ABI2: variants seen among roughly 807,000 people sequenced by gnomAD.
ABI2 encodes the protein abl interactor 2.
A neutral mutation model predicts 59.2 loss-of-function variants in ABI2; 25 were observed. That is an observed-to-expected ratio of 0.42 (90% CI 0.31 to 0.59). The LOEUF is 0.59. Among genes scored for constraint, ABI2 ranks in the 20% least tolerant of loss-of-function variants. The probability of loss-of-function intolerance (pLI) is 0.14; values close to 1 mark genes in which losing one functional copy is unlikely to be tolerated. For synonymous variants in ABI2, 213 were observed against 235.5 expected, an observed-to-expected ratio of 0.90 and a Z score of 0.87; for missense variants, 545 against 681.8, an observed-to-expected ratio of 0.80 and a Z score of 2.23.
chr2:203,368,694 G>T (rs1485903448), intron 2 of ABI2, among the ~76,000 whole-genome samples: 1 of 151,936 alleles, frequency 6.6e-6, no homozygotes, highest in East Asian at 1.9e-4. Context: ...TTTATTGCTT[G>T]TTATATTGTG....
rs1467849248 is a variant in ABI2 at position 203,428,203 on chromosome 2, C to T, written c.*851C>T. On this transcript the variant is annotated 3_prime_UTR_variant, in exon 12 of 12. Transcript: ENST00000261018. ...TGAAGAGACTTGAACTGTGGAAATGCTCTTAGCAGGCATCCCGAACCCCTG... is the reference window on the plus strand; with the variant it reads ...TGAAGAGACTTGAACTGTGGAAATGTTCTTAGCAGGCATCCCGAACCCCTG... The T allele has an allele frequency of 6.6e-6, 1 of 152,600 alleles. No homozygotes were observed. Among genetic ancestry groups the T allele is most frequent in the Non-Finnish European group, 1.5e-5 (1 of 68,046 alleles). The allele number at this position is 152,600 out of a possible 1,614,324, so 9.5% of individuals were successfully genotyped here. A position where few individuals can be genotyped will look rare whatever the true frequency, so the allele number is the denominator to read the frequency against.
intron 1 of ABI2, among the ~76,000 whole-genome samples, chr2:203,360,184 CAAAAAAAAAAA>C (rs58857922): frequency 1.4e-5 from 1 of 70,904 alleles, no homozygotes; most frequent in Admixed American, 1.8e-4. Flanking sequence ...GACTCCATCT[CAAAAAAAAAAA>C]AAAAAAAAAA....
intron 8 of ABI2, among the ~76,000 whole-genome samples, chr2:203,402,262 T>A (rs1026542971): frequency 6.6e-6 from 1 of 152,204 alleles, no homozygotes; most frequent in Non-Finnish European, 1.5e-5. Flanking sequence ...CTGAAACTCC[T>A]GACCTCAAGT....
At chr2:203,412,442 A>G (rs904477110) in intron 10 of ABI2, among the ~76,000 whole-genome samples, 1 of 152,166 alleles carries the variant, frequency 6.6e-6, no homozygotes, top group African/African-American at 2.4e-5. Flanking sequence ...TACTGGCCTA[A>G]GGGCTCAGTG....
rs2097263734 is a variant in ABI2, at chr2:203,402,468, ACTAG to A, written c.1034-105_1034-102del. 4 of 815,198 alleles carry A rather than the reference ACTAG, an allele frequency of 4.9e-6. No individual in the cohort carries two copies. The African/African-American group carries it at 7.1e-5, about 15-fold the overall frequency. 50.5% of individuals were successfully genotyped at this position (815,198 alleles called of 1,614,324 possible). On this transcript the variant is annotated intron_variant, in intron 8 of 11. Transcript: ENST00000261018. ...ATTGTATATTTCAGATACCAGTTAA[ACTAG>A]CTGTTATTTTTAATTCTTAAGATTT...
rs34081725 is a variant in ABI2 at position 203,431,696 on chromosome 2, TAAAA to T, written c.*4353_*4356del. On this transcript the variant is annotated 3_prime_UTR_variant, in exon 12 of 12. Transcript: ENST00000261018. ...TGTTTTGAGAATCTCATATAATTATTAAAAAAAAAAAACAATTAAAACGAAACGG... is the reference window on the plus strand; with the variant it reads ...TGTTTTGAGAATCTCATATAATTATTAAAAAAAACAATTAAAACGAAACGG... 1 of 142,736 alleles carries T rather than the reference TAAAA, an allele frequency of 7.0e-6. No individual in the cohort carries two copies. The highest frequency in any genetic ancestry group is 1.5e-5 in the Non-Finnish European group (1 of 64,608). The allele number at this position is 142,736 out of a possible 1,614,324, so 8.8% of individuals were successfully genotyped here. A position where few individuals can be genotyped will look rare whatever the true frequency, so the allele number is the denominator to read the frequency against.
chr2:203,356,329 C>A (rs2091947484), intron 1 of ABI2, among the ~76,000 whole-genome samples: 1 of 151,910 alleles, frequency 6.6e-6, no homozygotes, highest in Admixed American at 6.6e-5. Flanking sequence ...CAGGCCTGTG[C>A]CATCACACCA....
chr2:203,336,866 G>C (rs1333210368), intron 1 of ABI2, among the ~76,000 whole-genome samples: 4 of 152,128 alleles, frequency 2.6e-5, no homozygotes, highest in African/African-American at 4.8e-5. Context: ...TATACAAATT[G>C]CCAAACTCTT....
At chr2:203,359,280 A>C (rs1204143526) in intron 1 of ABI2, among the ~76,000 whole-genome samples, 1 of 151,996 alleles carries the variant, frequency 6.6e-6, no homozygotes, top group Non-Finnish European at 1.5e-5. Flanking sequence ...ATTTTCCTTC[A>C]TTTTCATATG....
intron 2 of ABI2, among the ~76,000 whole-genome samples, chr2:203,379,913 G>T (rs536168803): frequency 6.7e-4 from 102 of 152,212 alleles, no homozygotes; most frequent in African/African-American, 2.2e-3. Flanking sequence ...TAATTTTCAC[G>T]TGAAGGTTTT....
rs150870167 is a variant in ABI2 at position 203,392,314 on chromosome 2, C to CCAA, written c.578+1199_578+1201dup. On this transcript the variant is annotated intron_variant, in intron 5 of 11. Coordinates refer to ENST00000261018, the MANE Select transcript of ABI2 (RefSeq NM_001375670.1). The stretch of plus-strand genomic sequence containing the variant: ...ACCACCACCACCACCACCACCACCA[C>CCAA]CAACAACAACAACAACAACAACAAC... Among the ~76,000 whole-genome samples, 403 of 123,310 alleles carry CCAA rather than the reference C, an allele frequency of 3.3e-3. 4 individuals carry two copies. The highest frequency in any genetic ancestry group is 0.023 in the East Asian group (105 of 4,518). The allele number at this position is 123,310 out of a possible 152,430, so 80.9% of individuals were successfully genotyped here. A position where few individuals can be genotyped will look rare whatever the true frequency, so the allele number is the denominator to read the frequency against.
chr2:203,336,078 C>T (rs1181661379), intron 1 of ABI2, among the ~76,000 whole-genome samples: 1 of 152,162 alleles, frequency 6.6e-6, no homozygotes, highest in Non-Finnish European at 1.5e-5. Flanking sequence ...CTTCTTGGTA[C>T]TAGAAGTCCT....
intron 4 of ABI2, among the ~76,000 whole-genome samples, chr2:203,384,547 C>T (rs1348610677): frequency 6.6e-6 from 1 of 151,822 alleles, no homozygotes; most frequent in Non-Finnish European, 1.5e-5. Flanking sequence ...TGTGCTCAAG[C>T]CATCCTCTCA....
intron 1 of ABI2, among the ~76,000 whole-genome samples, chr2:203,333,477 A>C (rs1029398431): frequency 3.3e-5 from 5 of 152,046 alleles, no homozygotes; most frequent in South Asian, 2.1e-4. Context: ...CAAATGGGAG[A>C]ATCTTAGAAT....
At chr2:203,360,703 A>C (rs1220799180) in intron 1 of ABI2, among the ~76,000 whole-genome samples, 1 of 152,218 alleles carries the variant, frequency 6.6e-6, no homozygotes, top group African/African-American at 2.4e-5. Context: ...CTGTGAAACA[A>C]CAGATGATGA....
chr2:203,345,649 T>C (rs536623695), intron 1 of ABI2, among the ~76,000 whole-genome samples: 57 of 152,028 alleles, frequency 3.7e-4, no homozygotes, highest in African/African-American at 1.3e-3. Context: ...CTTCAGGTGA[T>C]CCACCCACCT....
At chr2:203,331,128 T>C (rs2073049640) in intron 1 of ABI2, among the ~76,000 whole-genome samples, 1 of 152,118 alleles carries the variant, frequency 6.6e-6, no homozygotes, top group Non-Finnish European at 1.5e-5. Flanking sequence ...TATCATTTAT[T>C]TTAGGATGCC....
In ABI2 at chr2:203,427,582, A is replaced by G; in HGVS notation, c.*230A>G. The stretch of plus-strand genomic sequence containing the variant: ...GCTGAGCTGTCTGGATTGAAATAAA[A>G]TGACCATTTTTATGTATGTCAAAGG... On this transcript the variant is annotated 3_prime_UTR_variant, in exon 12 of 12. Coordinates refer to ENST00000261018, the MANE Select transcript of ABI2 (RefSeq NM_001375670.1). The G allele has an allele frequency of 2.4e-6, 1 of 417,726 alleles. No homozygotes were observed. Among genetic ancestry groups the G allele is most frequent in the Non-Finnish European group, 4.3e-6 (1 of 232,504 alleles). The allele number at this position is 417,726 out of a possible 1,614,324, so 25.9% of individuals were successfully genotyped here.
intron 4 of ABI2, among the ~76,000 whole-genome samples, chr2:203,388,378 C>T (rs545464158): frequency 2.0e-5 from 3 of 151,998 alleles, no homozygotes; most frequent in African/African-American, 7.2e-5. Context: ...TAAAATGTAC[C>T]AAGTTATATT....
Sources: gnomAD v4.1 joint callset for allele counts (sites outside exome capture counted in the v4.1 genomes callset) on GRCh38, gnomAD v4.1.1 for gene constraint, MANE v1.5 for transcripts, NCBI Gene and HGNC (gene_info 2026-07-23, HGNC 2026-07-21) for gene names.